Variants in SV2C observed in about 807,000 individuals in gnomAD.
The protein encoded by SV2C is synaptic vesicle glycoprotein 2C, also known as solute carrier family 22 member B3.
SV2C carries 49 observed loss-of-function variants against 79.7 expected under a neutral mutation model. That is an observed-to-expected ratio of 0.61 (90% CI 0.49 to 0.78). SV2C has a LOEUF of 0.78. Among genes scored for constraint, SV2C ranks in the 30% least tolerant of loss-of-function variants. The pLI is 0.00. For missense variants in SV2C, 833 were observed against 912.9 expected (o/e 0.91, Z 1.13); for synonymous variants, 334 against 333.2 (o/e 1.00, Z -0.03).
the SV2C span, among the ~76,000 whole-genome samples, chr5:75,982,864 C>T: frequency 6.6e-6 from 1 of 152,170 alleles, no homozygotes; most frequent in Admixed American, 6.5e-5. Flanking sequence ...AATGCAGGAA[C>T]AGAAAACCAA....
At chr5:76,259,915 A>G (rs1376422787) in intron 4 of SV2C, among the ~76,000 whole-genome samples, 2 of 152,164 alleles carry the variant, frequency 1.3e-5, no homozygotes, top group Non-Finnish European at 2.9e-5. Flanking sequence ...ATATGTGTGC[A>G]TGTGTCTTTA....
At chr5:75,941,819 A>T in the SV2C span, among the ~76,000 whole-genome samples, 1 of 152,202 alleles carries the variant, frequency 6.6e-6, no homozygotes, top group Admixed American at 6.5e-5. Context: ...GGAGCTGGAC[A>T]TAAATAAATT....
chr5:76,110,955 G>A (rs180741317), intron 1 of SV2C, among the ~76,000 whole-genome samples: 127 of 152,242 alleles, frequency 8.3e-4, no homozygotes, highest in Middle Eastern at 3.4e-3. Context: ...TGGGCCAGTC[G>A]CAATGCATCT....
intron 12 of SV2C, among the ~76,000 whole-genome samples, chr5:76,323,398 G>A (rs867034234): frequency 1.3e-5 from 2 of 152,184 alleles, no homozygotes; most frequent in African/African-American, 4.8e-5. Flanking sequence ...AGATGCTAGC[G>A]AGGCTGTGGA....
Position 76,326,721 on chromosome 5 carries a change from C to A in SV2C, c.*1174C>A. 1 of 152,632 alleles carries A rather than the reference C, an allele frequency of 6.6e-6. No homozygotes were observed. Among genetic ancestry groups the A allele is most frequent in the Non-Finnish European group, 1.5e-5 (1 of 68,308 alleles). The allele number at this position is 152,632 out of a possible 1,614,324, so 9.5% of individuals were successfully genotyped here. A position where few individuals can be genotyped will look rare whatever the true frequency, so the allele number is the denominator to read the frequency against. ...TGTAAAATCACAGCCCGCCTGCACT[C>A]CTGAGGGCCCCTCTCACAGACAGAC... On this transcript the variant is annotated 3_prime_UTR_variant, in exon 13 of 13. Coordinates refer to ENST00000502798, the MANE Select transcript of SV2C (RefSeq NM_014979.4).
At chr5:76,290,000 T>G (rs926598406) in intron 6 of SV2C, among the ~76,000 whole-genome samples, 2 of 151,966 alleles carry the variant, frequency 1.3e-5, no homozygotes, top group African/African-American at 4.8e-5. Context: ...AATGAATAAA[T>G]GAACAAACAA....
At chr5:76,026,987 C>A in the SV2C span, among the ~76,000 whole-genome samples, 3 of 151,788 alleles carry the variant, frequency 2.0e-5, no homozygotes, top group African/African-American at 7.3e-5. Context: ...ATTACTCTGC[C>A]AGCTTTTTAG....
intron 1 of SV2C, among the ~76,000 whole-genome samples, chr5:76,101,341 G>A (rs1210359605): frequency 6.6e-6 from 1 of 152,304 alleles, no homozygotes; most frequent in Non-Finnish European, 1.5e-5. Context: ...CTTAGGTCAG[G>A]AACAGCCTTG....
chr5:76,262,781 C>T (rs1471784610), intron 4 of SV2C, among the ~76,000 whole-genome samples: 1 of 152,200 alleles, frequency 6.6e-6, no homozygotes, highest in Non-Finnish European at 1.5e-5. Context: ...TTTGATTGCA[C>T]TGTGGTCTGA....
chr5:76,127,454 T>A (rs1286598755), intron 1 of SV2C, among the ~76,000 whole-genome samples: 1 of 152,252 alleles, frequency 6.6e-6, no homozygotes, highest in East Asian at 1.9e-4. Context: ...TCAGATTCAC[T>A]TCGCTGTGAA....
At chr5:76,315,189 C>T (rs910558388) in intron 12 of SV2C, among the ~76,000 whole-genome samples, 2 of 50,734 alleles carry the variant, frequency 3.9e-5, no homozygotes, top group African/African-American at 1.7e-4. Context: ...TGGCCAGGCG[C>T]ACACACACAC....
At chr5:75,881,418 A>T in the SV2C span, among the ~76,000 whole-genome samples, 1 of 152,188 alleles carries the variant, frequency 6.6e-6, no homozygotes. Flanking sequence ...TAGGATACTT[A>T]TTAAATCTTT....
chr5:75,944,887 A>G, the SV2C span, among the ~76,000 whole-genome samples: 4 of 152,140 alleles, frequency 2.6e-5, no homozygotes, highest in African/African-American at 4.8e-5. Context: ...GGCACCTAAA[A>G]CCCCCAAAAA....
At chr5:76,321,109 A>G (rs1334078365) in intron 12 of SV2C, among the ~76,000 whole-genome samples, 1 of 152,208 alleles carries the variant, frequency 6.6e-6, no homozygotes, top group Non-Finnish European at 1.5e-5. Context: ...TAATAACCAC[A>G]ATAAATATCT....
the SV2C span, among the ~76,000 whole-genome samples, chr5:75,848,726 G>A: frequency 6.6e-6 from 1 of 152,152 alleles, no homozygotes; most frequent in Non-Finnish European, 1.5e-5. Flanking sequence ...AGGGACAGAG[G>A]AGGTGGTAAG....
At chr5:75,951,342 G>T in the SV2C span, among the ~76,000 whole-genome samples, 6 of 151,946 alleles carry the variant, frequency 3.9e-5, no homozygotes, top group Non-Finnish European at 5.9e-5. Flanking sequence ...ATTCATTCTG[G>T]CTGATTAAAA....
chr5:75,910,299 CA>C, the SV2C span: 3 of 523,258 alleles, frequency 5.7e-6, no homozygotes, highest in Non-Finnish European at 1.1e-5. Context: ...ATGGTCCTCA[CA>C]CCCTGGTCAG....
chr5:76,338,039 A>ACTG (rs1254709311), downstream of SV2C, among the ~76,000 whole-genome samples: 4 of 152,230 alleles, frequency 2.6e-5, no homozygotes, highest in African/African-American at 9.6e-5. Context: ...CATGCCACCT[A>ACTG]CTGCTACTGC....
At chr5:76,013,507 C>T in the SV2C span, among the ~76,000 whole-genome samples, 1 of 152,086 alleles carries the variant, frequency 6.6e-6, no homozygotes, top group African/African-American at 2.4e-5. Context: ...AGATTTTGGG[C>T]TGAGAAGATG....
Sources: gnomAD v4.1 joint callset for allele counts (sites outside exome capture counted in the v4.1 genomes callset) on GRCh38, gnomAD v4.1.1 for gene constraint, MANE v1.5 for transcripts, NCBI Gene and HGNC (gene_info 2026-07-23, HGNC 2026-07-21) for gene names.